Variants in CFAP73 observed in about 807,000 individuals in gnomAD.
CFAP73 encodes the protein cilia and flagella associated protein 73.
Under a neutral mutation model 42.9 loss-of-function variants are expected in CFAP73, and 33 were observed. That is an observed-to-expected ratio of 0.77 (90% CI 0.58 to 1.03). CFAP73 has a LOEUF of 1.03. Ranked by LOEUF, CFAP73 falls within the 50% of genes least tolerant of loss-of-function variation. CFAP73 has a pLI of 0.00. For synonymous variants in CFAP73, 162 were observed against 186.8 expected (o/e 0.87, Z 1.08); for missense variants, 392 against 411.9 (o/e 0.95, Z 0.42).
At chr12:113,157,506 C>T in intron 6 of CFAP73, 96 bp from the exon 7 acceptor site, 2 of 943,706 alleles carry the variant, frequency 2.1e-6, no homozygotes, top group Admixed American at 4.1e-5. Flanking sequence ...GATCTCCAGT[C>T]CCCGCCCTAC....
chr12:113,155,226 T>C, intron 5 of CFAP73, 34 bp from the exon 6 acceptor site: 1 of 1,492,226 alleles, frequency 6.7e-7, no homozygotes, highest in Non-Finnish European at 9.0e-7. Context: ...TTGGCCCAGT[T>C]GCCATAATTG....
chr12:113,155,488 CCA>C (rs1172724903), intron 6 of CFAP73, 70 bp downstream of exon 6: 1 of 1,446,602 alleles, frequency 6.9e-7, no homozygotes, highest in Non-Finnish European at 9.3e-7. Context: ...GCCTAAAACC[CCA>C]CAGTTAGTGA....
At chr12:113,152,698 G>T in intron 2 of CFAP73, 85 bp from the exon 3 acceptor site, 2 of 925,916 alleles carry the variant, frequency 2.2e-6, no homozygotes, top group Admixed American at 2.1e-5. Context: ...AGGGACAACA[G>T]GTGGAAGGGG....
Position 113,154,744 on chromosome 12 carries a change from G to A in CFAP73, c.690+109G>A, listed in dbSNP as rs189148376. 4 of 1,349,692 alleles carry A rather than the reference G, an allele frequency of 3.0e-6. No individual in the cohort carries two copies. In the African/African-American group the frequency reaches 6.2e-5, roughly 21 times the overall value. The allele number at this position is 1,349,692 out of a possible 1,614,324, so 83.6% of individuals were successfully genotyped here. The stretch of plus-strand genomic sequence containing the variant: ...CGATGGGGCAATGCTTACCCCAGAG[G>A]GTCCGCTGCACTAAGGAGGGGAATC... On this transcript the variant is annotated intron_variant, in intron 5 of 7. Coordinates refer to ENST00000335621, the MANE Select transcript of CFAP73 (RefSeq NM_001144872.3). The surrounding 1 kb of genome is among the most constrained non-coding windows in gnomAD (Gnocchi z 4.7).
At position 113,158,721 on chromosome 12, in the gene CFAP73, T is replaced by C. The variant is rs1952166686; in HGVS notation, c.*32T>C. 3 of 798,894 alleles carry C rather than the reference T, an allele frequency of 3.8e-6. No homozygotes were observed. Among genetic ancestry groups the C allele is most frequent in the Non-Finnish European group, 5.8e-6 (3 of 520,736 alleles). The allele number at this position is 798,894 out of a possible 1,614,324, so 49.5% of individuals were successfully genotyped here. A position where few individuals can be genotyped will look rare whatever the true frequency, so the allele number is the denominator to read the frequency against. On this transcript the variant is annotated 3_prime_UTR_variant, in exon 8 of 8. Transcript: ENST00000335621. This position sits in a 1 kb window ranked among gnomAD's most constrained non-coding sequence, Gnocchi z 4.9. Reference sequence around the variant, plus strand: ...CTTAGGCTGACGCAGCTGCTGCCCTTCTGTGGCCATACAGTGCTCCTTTTC... The same window carrying C: ...CTTAGGCTGACGCAGCTGCTGCCCTCCTGTGGCCATACAGTGCTCCTTTTC...
At chr12:113,155,486 C>T (rs1444688719) in intron 6 of CFAP73, 68 bp downstream of exon 6, 2 of 1,454,308 alleles carry the variant, frequency 1.4e-6, no homozygotes, top group Non-Finnish European at 1.8e-6. Context: ...GAGCCTAAAA[C>T]CCCACAGTTA....
chr12:113,153,429 T>C, intron 4 of CFAP73, 21 bp downstream of exon 4: 1 of 1,393,368 alleles, frequency 7.2e-7, no homozygotes, highest in Non-Finnish European at 9.2e-7. Context: ...GGCAGGAGGC[T>C]GGGAGCTCGG....
At position 113,158,768 on chromosome 12, in the gene CFAP73, G is replaced by C; in HGVS notation, c.*79G>C. 8.2e-7 allele frequency: 1 copy of C among 1,218,606 alleles called. No homozygotes were observed. Among genetic ancestry groups the C allele is most frequent in the Non-Finnish European group, 1.1e-6 (1 of 886,460 alleles). 75.5% of individuals were successfully genotyped at this position (1,218,606 alleles called of 1,614,324 possible). A position where few individuals can be genotyped will look rare whatever the true frequency, so the allele number is the denominator to read the frequency against. On this transcript the variant is annotated 3_prime_UTR_variant, in exon 8 of 8. Coordinates refer to ENST00000335621, the MANE Select transcript of CFAP73 (RefSeq NM_001144872.3). The surrounding 1 kb of genome is among the most constrained non-coding windows in gnomAD (Gnocchi z 4.9). Reference sequence around the variant, plus strand: ...TTTCACAGATGATGGCTCCTGCAGGGAGTGCCCCCAGTGCCCAGCACAGGG... The same window carrying C: ...TTTCACAGATGATGGCTCCTGCAGGCAGTGCCCCCAGTGCCCAGCACAGGG...
At chr12:113,152,758 C>G (rs1194002444) in intron 2 of CFAP73, 25 bp from the exon 3 acceptor site, 2 of 1,529,782 alleles carry the variant, frequency 1.3e-6, no homozygotes, top group Non-Finnish European at 8.9e-7. Flanking sequence ...CGAACCCACA[C>G]AGACAACCCA....
At chr12:113,153,435 C>G (rs1290731183) in intron 4 of CFAP73, 27 bp downstream of exon 4, 1 of 1,386,814 alleles carries the variant, frequency 7.2e-7, no homozygotes, top group East Asian at 2.9e-5. Context: ...AGGCTGGGAG[C>G]TCGGCGCCAC....
At chr12:113,153,171 G>A (rs1952081363) in intron 3 of CFAP73, 37 bp from the exon 4 acceptor site, 2 of 1,457,378 alleles carry the variant, frequency 1.4e-6, no homozygotes, top group Non-Finnish European at 1.8e-6. Context: ...CAGCTCCTGA[G>A]TCCTGAAGGT....
At position 113,158,069 on chromosome 12, in the gene CFAP73, G is replaced by A. The variant is rs898921505; in HGVS notation, c.*11+379G>A. On this transcript the variant is annotated intron_variant, in intron 7 of 7. Transcript: ENST00000335621. The surrounding 1 kb of genome is among the most constrained non-coding windows in gnomAD (Gnocchi z 4.9). ...CTCCACTATGGACTCTGCCAGGTGA[G>A]GGGCCCAGCCTGAGAATCCAGCTGC... 5.1e-6 allele frequency: 1 copy of A among 196,794 alleles called. No homozygotes were observed. The highest frequency in any genetic ancestry group is 2.3e-5 in the African/African-American group (1 of 43,704). The allele number at this position is 196,794 out of a possible 1,614,324, so 12.2% of individuals were successfully genotyped here. A position where few individuals can be genotyped will look rare whatever the true frequency, so the allele number is the denominator to read the frequency against.
At chr12:113,152,432 C>T (rs1344176215) in intron 2 of CFAP73, among the ~76,000 whole-genome samples, 3 of 152,178 alleles carry the variant, frequency 2.0e-5, no homozygotes, top group African/African-American at 4.8e-5. Flanking sequence ...GGCAAGTCGG[C>T]TTATCCAGCA....
At chr12:113,157,430 AG>A in intron 6 of CFAP73, 171 bp from the exon 7 acceptor site, 1 of 616,758 alleles carries the variant, frequency 1.6e-6, no homozygotes, top group Non-Finnish European at 2.9e-6. Flanking sequence ...TTCAAAACCC[AG>A]AACGGTTTAG....
intron 6 of CFAP73, chr12:113,157,235 C>T (rs961248290): frequency 8.8e-6 from 2 of 226,386 alleles, no homozygotes; most frequent in Non-Finnish European, 1.7e-5. Context: ...TTAATTAAAA[C>T]AAAAGGAGAG....
chr12:113,152,088 T>C (rs1952068581), intron 2 of CFAP73, 65 bp downstream of exon 2: 2 of 1,172,358 alleles, frequency 1.7e-6, no homozygotes, highest in South Asian at 1.3e-5. Flanking sequence ...GCCAATTTAT[T>C]AGTGACAAGG....
In CFAP73 at chr12:113,157,400, G is replaced by A. The variant is rs756080495; in HGVS notation, c.850-202G>A. ...GAAGGTGTCTGCTCACGCAGCAGTT[G>A]GGAAGGTTGGCCTGAGGCTTTCAAA... On this transcript the variant is annotated intron_variant, in intron 6 of 7. Transcript: ENST00000335621. 1.2e-5 allele frequency: 7 copies of A among 589,796 alleles called. No individual in the cohort carries two copies. In the Admixed American group the frequency reaches 1.5e-4, roughly 12 times the overall value. 36.5% of individuals were successfully genotyped at this position (589,796 alleles called of 1,614,324 possible).
At chr12:113,155,753 C>G (rs1376499371) in intron 6 of CFAP73, among the ~76,000 whole-genome samples, 1 of 152,120 alleles carries the variant, frequency 6.6e-6, no homozygotes, top group Non-Finnish European at 1.5e-5. Context: ...TCTTTTCTCA[C>G]AGGATCCAAC....
chr12:113,153,158 C>T (rs1952081171), intron 3 of CFAP73, 50 bp from the exon 4 acceptor site: 9 of 1,427,246 alleles, frequency 6.3e-6, no homozygotes, highest in East Asian at 2.6e-5. Context: ...CCGAACTCCC[C>T]GCCAGCTCCT....
Sources: gnomAD v4.1 joint callset for allele counts (sites outside exome capture counted in the v4.1 genomes callset) on GRCh38, gnomAD v4.1.1 for gene constraint, Gnocchi (gnomAD v3.1) non-coding constraint, MANE v1.5 for transcripts, NCBI Gene and HGNC (gene_info 2026-07-23, HGNC 2026-07-21) for gene names.